PTGER1: variants seen among roughly 807,000 people sequenced by gnomAD.
PTGER1 encodes prostaglandin E receptor 1.
PTGER1 carries 15 observed loss-of-function variants against 18.5 expected under a neutral mutation model. The observed-to-expected ratio is 0.81, with a 90% CI of 0.54 to 1.25. The LOEUF (loss-of-function observed/expected upper bound fraction) is 1.25, where lower values mean the gene tolerates loss of function less well. PTGER1 is among the 50% of genes most tolerant of loss of function. PTGER1 has a pLI of 0.00. For synonymous variants in PTGER1, 339 were observed against 308.4 expected, an observed-to-expected ratio of 1.10 and a Z score of -1.04; for missense variants, 567 against 603.4, an observed-to-expected ratio of 0.94 and a Z score of 0.63.
chr19:14,473,663 C>T lies in PTGER1; in HGVS notation c.658G>A (p.Val220Met), dbSNP rs1265603022. The change falls in exon 2 of 3, where the codon GTG becomes ATG. Residue 220 changes from valine to methionine, a missense_variant. Transcript: ENST00000292513. This position sits in a 1 kb window ranked among gnomAD's most constrained non-coding sequence, Gnocchi z 7.1. ...LGLVALLAALVCNTLSGLALL... is the reference protein window; with the variant it reads ...LGLVALLAALMCNTLSGLALL... The stretch of plus-strand genomic sequence containing the variant: ...GCCAGGCCGCTGAGCGTGTTGCACA[C>T]CAGCGCGGCGAGGAGCGCGACCAGG... 6 of 1,476,230 alleles carry T rather than the reference C, an allele frequency of 4.1e-6. No homozygotes were observed. The highest frequency in any genetic ancestry group is 5.4e-6 in the Non-Finnish European group (6 of 1,120,632). The allele number at this position is 1,476,230 out of a possible 1,614,324, so 91.4% of individuals were successfully genotyped here.
At position 14,474,021 on chromosome 19, in the gene PTGER1, A is replaced by C; in HGVS notation, c.300T>G (p.Thr100=). ...CCCCGCCGGCCGGAGCGCGCCCCGC[A>C]GTGTACAGACGCAGCACCAGCGCGC... ...IPGALVLRLY[T]AGRAPAGGAC... is the part of the protein sequence containing the mutation. The change falls in exon 2 of 3, where the codon ACT becomes ACG. Residue 100 remains threonine (T), a synonymous_variant. Coordinates refer to ENST00000292513, the MANE Select transcript of PTGER1 (RefSeq NM_000955.3). This position sits in a 1 kb window ranked among gnomAD's most constrained non-coding sequence, Gnocchi z 5.4. The C allele has an allele frequency of 6.7e-7, 1 of 1,500,924 alleles. No homozygotes were observed. Among genetic ancestry groups the C allele is most frequent in the Non-Finnish European group, 8.9e-7 (1 of 1,129,892 alleles). 93.0% of individuals were successfully genotyped at this position (1,500,924 alleles called of 1,614,324 possible). A position where few individuals can be genotyped will look rare whatever the true frequency, so the allele number is the denominator to read the frequency against.
At position 14,474,077 on chromosome 19, in the gene PTGER1, C is replaced by CCACGAA. The variant is rs1439375814; in HGVS notation, c.243_244insTTCGTG (p.Leu81_Ala82insPheVal). 3 of 1,465,486 alleles carry CCACGAA rather than the reference C, an allele frequency of 2.0e-6. No homozygotes were observed. The highest frequency in any genetic ancestry group is 2.7e-6 in the Non-Finnish European group (3 of 1,111,408). The allele number at this position is 1,465,486 out of a possible 1,614,324, so 90.8% of individuals were successfully genotyped here. On this transcript the variant is annotated inframe_insertion, in exon 2 of 3. Transcript: ENST00000292513. This position sits in a 1 kb window ranked among gnomAD's most constrained non-coding sequence, Gnocchi z 5.4. ...ATCACGTGGCCCGCCAGGTCGGTGG[C>CCACGAA]CAGCAGGCTGGCCACGAACAGCAGG...
chr19:14,473,670 G>A lies in PTGER1; in HGVS notation c.651C>T (p.Ala217=), dbSNP rs1211997568. The A allele has an allele frequency of 1.4e-6, 2 of 1,475,932 alleles. No individual in the cohort carries two copies. The highest frequency in any genetic ancestry group is 2.3e-4 in the Middle Eastern group (1 of 4,352). 91.4% of individuals were successfully genotyped at this position (1,475,932 alleles called of 1,614,324 possible). The stretch of plus-strand genomic sequence containing the variant: ...CGCTGAGCGTGTTGCACACCAGCGC[G>A]GCGAGGAGCGCGACCAGGCCGAGGC... ...FASLGLVALL[A]ALVCNTLSGL... is the part of the protein sequence containing the mutation. Residue 217 remains alanine, a synonymous_variant, in exon 2 of 3, where the codon GCC becomes GCT. Coordinates refer to ENST00000292513, the MANE Select transcript of PTGER1 (RefSeq NM_000955.3). This position sits in a 1 kb window ranked among gnomAD's most constrained non-coding sequence, Gnocchi z 7.1.
rs758964471 is a variant in PTGER1, at chr19:14,473,341, G to C, written c.942+38C>G. The C allele has an allele frequency of 1.3e-6, 2 of 1,553,010 alleles. No individual in the cohort carries two copies. The highest frequency in any genetic ancestry group is 1.7e-6 in the Non-Finnish European group (2 of 1,153,618). On this transcript the variant is annotated intron_variant, in intron 2 of 2. Transcript: ENST00000292513. The surrounding 1 kb of genome is among the most constrained non-coding windows in gnomAD (Gnocchi z 7.1). ...GGCGGGAGGGTGCCGAGAGGGAGCG[G>C]GAAGGAGCGTGGCTCGAGGGGCCGG...
In PTGER1 at chr19:14,473,619, C is replaced by T; in HGVS notation, c.702G>A (p.Trp234Ter). The T allele has an allele frequency of 6.8e-7, 1 of 1,464,368 alleles. No homozygotes were observed. Among genetic ancestry groups the T allele is most frequent in the Non-Finnish European group, 8.9e-7 (1 of 1,118,638 alleles). 90.7% of individuals were successfully genotyped at this position (1,464,368 alleles called of 1,614,324 possible). A position where few individuals can be genotyped will look rare whatever the true frequency, so the allele number is the denominator to read the frequency against. ...GGGGAGGCCGTCGGGAGCGGCGTCG[C>T]CAGCGGGCGCGTAGCAGGGCCAGGC... ...LSGLALLRARWRRRSRRPPPA... is the reference protein window; with the variant it reads ...LSGLALLRAR Residue 234 changes from tryptophan (W) to a stop codon, truncating the protein, a stop_gained, in exon 2 of 3, where the codon TGG (tryptophan) becomes TGA (stop). Coordinates refer to ENST00000292513, the MANE Select transcript of PTGER1 (RefSeq NM_000955.3). LOFTEE classifies it high-confidence loss of function. The surrounding 1 kb of genome is among the most constrained non-coding windows in gnomAD (Gnocchi z 7.1).
chr19:14,474,010 G>C lies in PTGER1; in HGVS notation c.311C>G (p.Ala104Gly). ...LVLRLYTAGR[A>G]PAGGACHFLG... ...GAAGTGGCAGGCCCCGCCGGCCGGA[G>C]CGCGCCCCGCAGTGTACAGACGCAG... Residue 104 changes from alanine (A) to glycine (G), a missense_variant, in exon 2 of 3, where the codon GCT becomes GGT. Physicochemically the swap from Ala to Gly is moderately conservative, Grantham distance 60. Coordinates refer to ENST00000292513, the MANE Select transcript of PTGER1 (RefSeq NM_000955.3). The surrounding 1 kb of genome is among the most constrained non-coding windows in gnomAD (Gnocchi z 5.4). 6.7e-7 allele frequency: 1 copy of C among 1,500,934 alleles called. No homozygotes were observed. The highest frequency in any genetic ancestry group is 8.9e-7 in the Non-Finnish European group (1 of 1,129,682). 93.0% of individuals were successfully genotyped at this position (1,500,934 alleles called of 1,614,324 possible).
Position 14,473,276 on chromosome 19 carries a change from A to G in PTGER1, c.942+103T>C. 6.7e-7 allele frequency: 1 copy of G among 1,492,674 alleles called. No homozygotes were observed. Among genetic ancestry groups the G allele is most frequent in the Non-Finnish European group, 8.9e-7 (1 of 1,127,080 alleles). The allele number at this position is 1,492,674 out of a possible 1,614,324, so 92.5% of individuals were successfully genotyped here. On this transcript the variant is annotated intron_variant, in intron 2 of 2. Coordinates refer to ENST00000292513, the MANE Select transcript of PTGER1 (RefSeq NM_000955.3). The surrounding 1 kb of genome is among the most constrained non-coding windows in gnomAD (Gnocchi z 7.1). ...CCTCTAGGGGCCGGGGCCTTGGTTGAGTCCAGGATGGAGGCCCCAGGTGTC... is the reference window on the plus strand; with the variant it reads ...CCTCTAGGGGCCGGGGCCTTGGTTGGGTCCAGGATGGAGGCCCCAGGTGTC...
chr19:14,473,299 G>A lies in PTGER1; in HGVS notation c.942+80C>T. 2 of 1,527,586 alleles carry A rather than the reference G, an allele frequency of 1.3e-6. No individual in the cohort carries two copies. Among genetic ancestry groups the A allele is most frequent in the Non-Finnish European group, 1.8e-6 (2 of 1,142,434 alleles). 94.6% of individuals were successfully genotyped at this position (1,527,586 alleles called of 1,614,324 possible). On this transcript the variant is annotated intron_variant, in intron 2 of 2. Coordinates refer to ENST00000292513, the MANE Select transcript of PTGER1 (RefSeq NM_000955.3). This position sits in a 1 kb window ranked among gnomAD's most constrained non-coding sequence, Gnocchi z 7.1. Reference sequence around the variant, plus strand: ...TGAGTCCAGGATGGAGGCCCCAGGTGTCCTGGGACGACAAAGGGCGGGAGG... The same window carrying A: ...TGAGTCCAGGATGGAGGCCCCAGGTATCCTGGGACGACAAAGGGCGGGAGG...
intron 1 of PTGER1, 123 bp downstream of exon 1, chr19:14,475,139 A>G (rs932719242): frequency 1.3e-5 from 2 of 152,672 alleles, no homozygotes; most frequent in African/African-American, 4.8e-5. Flanking sequence ...AGACGGTAAG[A>G]CAGGGACGCA....
chr19:14,474,626 C>G lies in PTGER1; in HGVS notation c.-17-289G>C, dbSNP rs992542242. Among the ~76,000 whole-genome samples, 6 of 152,122 alleles carry G rather than the reference C, an allele frequency of 3.9e-5. No homozygotes were observed. The highest frequency in any genetic ancestry group is 7.4e-5 in the Non-Finnish European group (5 of 68,012). On this transcript the variant is annotated intron_variant, in intron 1 of 2. Coordinates refer to ENST00000292513, the MANE Select transcript of PTGER1 (RefSeq NM_000955.3). This position sits in a 1 kb window ranked among gnomAD's most constrained non-coding sequence, Gnocchi z 5.4. Reference sequence around the variant, plus strand: ...GGTTTCCTGCAAGATTCCCCCCAGCCCCGCCCTCAGGCATCTCTGCCAGTG... The same window carrying G: ...GGTTTCCTGCAAGATTCCCCCCAGCGCCGCCCTCAGGCATCTCTGCCAGTG...
At chr19:14,472,901 G>A (rs1015153861) in intron 2 of PTGER1, 75 bp from the exon 3 acceptor site, 186 of 1,432,928 alleles carry the variant, frequency 1.3e-4, no homozygotes, top group Non-Finnish European at 1.6e-4. Flanking sequence ...GGGCGTGGCT[G>A]GAAGGTAAAA....
chr19:14,473,646 G>A lies in PTGER1; in HGVS notation c.675C>T (p.Ser225=). 2.7e-6 allele frequency: 4 copies of A among 1,480,356 alleles called. No homozygotes were observed. Among genetic ancestry groups the A allele is most frequent in the Non-Finnish European group, 2.7e-6 (3 of 1,123,408 alleles). The allele number at this position is 1,480,356 out of a possible 1,614,324, so 91.7% of individuals were successfully genotyped here. ...AGCGGGCGCGTAGCAGGGCCAGGCC[G>A]CTGAGCGTGTTGCACACCAGCGCGG... ...LLAALVCNTL[S]GLALLRARWR... is the part of the protein sequence containing the mutation. Residue 225 remains serine, a synonymous_variant, in exon 2 of 3, where the codon AGC becomes AGT. Transcript: ENST00000292513. The surrounding 1 kb of genome is among the most constrained non-coding windows in gnomAD (Gnocchi z 7.1).
At position 14,472,777 on chromosome 19, in the gene PTGER1, C is replaced by A. The variant is rs202117617; in HGVS notation, c.992G>T (p.Arg331Leu). Residue 331 changes from arginine (R) to leucine (L), a missense_variant, in exon 3 of 3, where the codon CGG (arginine) becomes CTG (leucine). Transcript: ENST00000292513. ...AAGGCGCACGGCCAGGAACAGTGGC[C>A]GCTGCAGGGAGGTAGAGCTCCAGCC... Reference protein sequence around the residue: ...VGGWSSTSLQRPLFLAVRLAS... With the variant: ...VGGWSSTSLQLPLFLAVRLAS... 16 of 1,577,880 alleles carry A rather than the reference C, an allele frequency of 1.0e-5. No homozygotes were observed. The highest frequency in any genetic ancestry group is 1.3e-5 in the Non-Finnish European group (15 of 1,163,632).
In PTGER1 at chr19:14,473,995, G is replaced by T; in HGVS notation, c.326C>A (p.Ala109Asp). Reference protein sequence around the residue: ...YTAGRAPAGGACHFLGGCMVF... With the variant: ...YTAGRAPAGGDCHFLGGCMVF... Reference sequence around the variant, plus strand: ...CATGCAGCCGCCCAGGAAGTGGCAGGCCCCGCCGGCCGGAGCGCGCCCCGC... The same window carrying T: ...CATGCAGCCGCCCAGGAAGTGGCAGTCCCCGCCGGCCGGAGCGCGCCCCGC... The change falls in exon 2 of 3, where the codon GCC (alanine) becomes GAC (aspartate). Residue 109 changes from alanine to aspartate, a missense_variant. Coordinates refer to ENST00000292513, the MANE Select transcript of PTGER1 (RefSeq NM_000955.3). The surrounding 1 kb of genome is among the most constrained non-coding windows in gnomAD (Gnocchi z 7.1). The T allele has an allele frequency of 6.7e-7, 1 of 1,500,002 alleles. No individual in the cohort carries two copies. 92.9% of individuals were successfully genotyped at this position (1,500,002 alleles called of 1,614,324 possible). A position where few individuals can be genotyped will look rare whatever the true frequency, so the allele number is the denominator to read the frequency against.
rs1251219112 is a variant in PTGER1, at chr19:14,474,283, C to G, written c.38G>C (p.Gly13Ala). 28 of 1,531,052 alleles carry G rather than the reference C, an allele frequency of 1.8e-5. No individual in the cohort carries two copies. In the African/African-American group the frequency reaches 2.2e-4, roughly 12 times the overall value. 94.8% of individuals were successfully genotyped at this position (1,531,052 alleles called of 1,614,324 possible). A position where few individuals can be genotyped will look rare whatever the true frequency, so the allele number is the denominator to read the frequency against. The change falls in exon 2 of 3, where the codon GGC becomes GCC. Residue 13 changes from glycine to alanine, a missense_variant. Transcript: ENST00000292513. The surrounding 1 kb of genome is among the most constrained non-coding windows in gnomAD (Gnocchi z 5.4). The stretch of plus-strand genomic sequence containing the variant: ...GGGCGCCGCGCATGTGGTCGCCTCG[C>G]CCGCCAGGCTCAGGTTGAGGGGCCC... Reference protein sequence around the residue: ...PCGPLNLSLAGEATTCAAPWV... With the variant: ...PCGPLNLSLAAEATTCAAPWV...
In PTGER1 at chr19:14,474,398, G is replaced by C. The variant is rs1382155903; in HGVS notation, c.-17-61C>G. On this transcript the variant is annotated intron_variant, in intron 1 of 2. Coordinates refer to ENST00000292513, the MANE Select transcript of PTGER1 (RefSeq NM_000955.3). This position sits in a 1 kb window ranked among gnomAD's most constrained non-coding sequence, Gnocchi z 5.4. ...TGGGCCCGGGCGGGGACCAGCCCAC[G>C]GTGCCATCTCAGAACATCAGGGCCT... 7.1e-7 allele frequency: 1 copy of C among 1,401,702 alleles called. No homozygotes were observed. The highest frequency in any genetic ancestry group is 9.2e-7 in the Non-Finnish European group (1 of 1,082,794). The allele number at this position is 1,401,702 out of a possible 1,614,324, so 86.8% of individuals were successfully genotyped here. A position where few individuals can be genotyped will look rare whatever the true frequency, so the allele number is the denominator to read the frequency against.
At position 14,474,679 on chromosome 19, in the gene PTGER1, A is replaced by C; in HGVS notation, c.-17-342T>G. The stretch of plus-strand genomic sequence containing the variant: ...TCCGACCCCCACCTTCCATTTTTAC[A>C]CCCAGCAAATTCCTGGGGCCTGTGG... On this transcript the variant is annotated intron_variant, in intron 1 of 2. Coordinates refer to ENST00000292513, the MANE Select transcript of PTGER1 (RefSeq NM_000955.3). This position sits in a 1 kb window ranked among gnomAD's most constrained non-coding sequence, Gnocchi z 5.4. Among the ~76,000 whole-genome samples the C allele has an allele frequency of 6.7e-6, 1 of 148,420 alleles. No homozygotes were observed. Among genetic ancestry groups the C allele is most frequent in the Non-Finnish European group, 1.5e-5 (1 of 67,200 alleles).
Position 14,473,264 on chromosome 19 carries a change from G to A in PTGER1, c.942+115C>T. ...GGGCAGGTGGGGCCTCTAGGGGCCG[G>A]GGCCTTGGTTGAGTCCAGGATGGAG... is the stretch of plus-strand genomic sequence containing the variant. On this transcript the variant is annotated intron_variant, in intron 2 of 2. Transcript: ENST00000292513. The surrounding 1 kb of genome is among the most constrained non-coding windows in gnomAD (Gnocchi z 7.1). 6.8e-7 allele frequency: 1 copy of A among 1,476,530 alleles called. No individual in the cohort carries two copies. Among genetic ancestry groups the A allele is most frequent in the Non-Finnish European group, 8.9e-7 (1 of 1,119,020 alleles). 91.5% of individuals were successfully genotyped at this position (1,476,530 alleles called of 1,614,324 possible). A position where few individuals can be genotyped will look rare whatever the true frequency, so the allele number is the denominator to read the frequency against.
Position 14,472,621 on chromosome 19 carries a change from G to T in PTGER1, c.1148C>A (p.Pro383Gln), listed in dbSNP as rs780709592. Residue 383 changes from proline to glutamine, a missense_variant, in exon 3 of 3, where the codon CCG (proline) becomes CAG (glutamine). Coordinates refer to ENST00000292513, the MANE Select transcript of PTGER1 (RefSeq NM_000955.3). ...KGGPAGLGLT[P>Q]SAWEASSLRS... ...CAGCGAGCTGGCCTCCCAGGCGCTC[G>T]GTGTTAGGCCCAGCCCCGCGGGGCC... 1.9e-6 allele frequency: 3 copies of T among 1,602,500 alleles called. No homozygotes were observed.
Sources: allele counts gnomAD v4.1 joint callset (sites outside exome capture counted in the v4.1 genomes callset), GRCh38; gene constraint gnomAD v4.1.1; non-coding constraint Gnocchi (gnomAD v3.1); transcripts MANE v1.5; gene names NCBI Gene and HGNC (gene_info 2026-07-23, HGNC 2026-07-21).